NTM: variants seen among roughly 807,000 people sequenced by gnomAD.
The protein encoded by NTM is IgLON family member 2.
NTM carries 13 observed loss-of-function variants against 42.1 expected under a neutral mutation model. The observed-to-expected ratio is 0.31, with a 90% CI of 0.20 to 0.49. The LOEUF is 0.49. Among genes scored for constraint, NTM ranks in the 20% least tolerant of loss-of-function variants. The pLI is 0.99. For missense variants in NTM, 373 were observed against 452.8 expected (o/e 0.82, Z 1.60); for synonymous variants, 187 against 179.2 (o/e 1.04, Z -0.35).
intron 3 of NTM, among the ~76,000 whole-genome samples, chr11:132,199,018 A>G (rs1296220256): frequency 2.0e-5 from 3 of 152,244 alleles, no homozygotes; most frequent in Non-Finnish European, 4.4e-5. Context: ...CAAGATAAAC[A>G]TTATCAACCA....
chr11:132,120,047 C>T (rs1281401637), intron 2 of NTM, among the ~76,000 whole-genome samples: 12 of 152,154 alleles, frequency 7.9e-5, no homozygotes, highest in Admixed American at 4.6e-4. Flanking sequence ...CTATTGCACG[C>T]GAATCAGGAC....
At chr11:132,306,490 T>G (rs2095085718) in intron 4 of NTM, 1 of 152,202 alleles carries the variant, frequency 6.6e-6, no homozygotes, top group African/African-American at 2.4e-5. Flanking sequence ...ACGAGAGTTT[T>G]GGAGTGCTTT....
At position 132,318,333 on chromosome 11, in the gene NTM, A is replaced by ACAGT. The variant is rs1429634954; in HGVS notation, c.934+3633_934+3636dup. Among the ~76,000 whole-genome samples the ACAGT allele has an allele frequency of 2.0e-5, 3 of 152,250 alleles. 1 individual carries two copies. Among genetic ancestry groups the ACAGT allele is most frequent in the Admixed American group, 2.0e-4 (3 of 15,298 alleles). ...TTATCCACCGTACAGAGTTGTTCCA[A>ACAGT]CAGTCAATGGAGAATGCATGTTACA... On this transcript the variant is annotated intron_variant, in intron 7 of 8. Coordinates refer to ENST00000683400, the MANE Select transcript of NTM (RefSeq NM_001352005.2).
chr11:132,323,221 A>T (rs2095608153), intron 7 of NTM, among the ~76,000 whole-genome samples: 1 of 151,202 alleles, frequency 6.6e-6, no homozygotes, highest in African/African-American at 2.4e-5. Context: ...AAACCCTTCA[A>T]AAAATTGATG....
intron 1 of NTM, among the ~76,000 whole-genome samples, chr11:131,519,199 C>T (rs191447557): frequency 6.6e-6 from 1 of 152,350 alleles, no homozygotes; most frequent in East Asian, 1.9e-4. Flanking sequence ...TCTCTTCTCT[C>T]TTATTCCCTT....
At chr11:131,568,315 G>A (rs1038821153) in intron 1 of NTM, among the ~76,000 whole-genome samples, 29 of 152,146 alleles carry the variant, frequency 1.9e-4, no homozygotes, top group South Asian at 4.1e-4. Context: ...GTGAATATTA[G>A]ATCCATTCTA....
chr11:131,525,523 G>C (rs1391293580), intron 1 of NTM, among the ~76,000 whole-genome samples: 1 of 152,194 alleles, frequency 6.6e-6, no homozygotes, highest in East Asian at 1.9e-4. Flanking sequence ...GTCAAAGGTA[G>C]CCAGAAGGAG....
intron 1 of NTM, among the ~76,000 whole-genome samples, chr11:131,845,705 C>T (rs1475510498): frequency 6.6e-6 from 1 of 151,412 alleles, no homozygotes; most frequent in Non-Finnish European, 1.5e-5. Flanking sequence ...AAATACATTC[C>T]TGGATTTTTT....
chr11:132,269,639 G>A (rs930475191), intron 4 of NTM, among the ~76,000 whole-genome samples: 1 of 152,182 alleles, frequency 6.6e-6, no homozygotes, highest in Non-Finnish European at 1.5e-5. Context: ...TGGAATCAAG[G>A]TTTCTGACTT....
intron 1 of NTM, among the ~76,000 whole-genome samples, chr11:131,371,939 G>A (rs1047198425): frequency 6.6e-6 from 1 of 152,220 alleles, no homozygotes; most frequent in African/African-American, 2.4e-5. Flanking sequence ...GTCCTATGCA[G>A]TTGTATTCCC....
intron 1 of NTM, among the ~76,000 whole-genome samples, chr11:131,670,389 TTTTC>T (rs1308718086): frequency 2.0e-5 from 3 of 151,564 alleles, no homozygotes; most frequent in Admixed American, 1.3e-4. Context: ...CTTTCTTTCT[TTTTC>T]TTTCTTTCTT....
At chr11:131,986,414 A>G (rs530035921) in intron 2 of NTM, among the ~76,000 whole-genome samples, 14 of 152,352 alleles carry the variant, frequency 9.2e-5, no homozygotes, top group African/African-American at 3.1e-4. Context: ...GAAAAAGATT[A>G]CAGAAGGCCT....
intron 2 of NTM, among the ~76,000 whole-genome samples, chr11:132,062,398 TTTAATGG>T (rs1454962164): frequency 2.0e-5 from 3 of 152,196 alleles, no homozygotes; most frequent in African/African-American, 7.2e-5. Flanking sequence ...ACAGCACTTC[TTTAATGG>T]TCCAGTTCAG....
At chr11:131,686,260 T>C (rs1287774270) in intron 1 of NTM, among the ~76,000 whole-genome samples, 1 of 152,236 alleles carries the variant, frequency 6.6e-6, no homozygotes, top group African/African-American at 2.4e-5. Context: ...TGTATAACTT[T>C]TGACTTCTCA....
Position 131,821,025 on chromosome 11 carries a change from G to GTT in NTM, c.83-90527_83-90526dup, listed in dbSNP as rs34815584. ...AGTAACACCAAGATGCCTCCAAAGGGTTTTTTTTTTTTTCTAATTATGTAA... is the reference window on the plus strand; with the variant it reads ...AGTAACACCAAGATGCCTCCAAAGGGTTTTTTTTTTTTTTTCTAATTATGTAA... On this transcript the variant is annotated intron_variant, in intron 1 of 8. Coordinates refer to ENST00000683400, the MANE Select transcript of NTM (RefSeq NM_001352005.2). 8.3e-4 allele frequency among the ~76,000 whole-genome samples: 121 copies of GTT among 146,482 alleles called. 1 individual carries two copies. Among genetic ancestry groups the GTT allele is most frequent in the South Asian group, 4.6e-3 (21 of 4,614 alleles).
chr11:131,951,959 G>A (rs1221010141), intron 2 of NTM, among the ~76,000 whole-genome samples: 2 of 151,898 alleles, frequency 1.3e-5, no homozygotes. Flanking sequence ...TTTGTTAGTA[G>A]ATAGTATATG....
chr11:131,374,201 C>T (rs1231250376), intron 1 of NTM, among the ~76,000 whole-genome samples: 1 of 152,208 alleles, frequency 6.6e-6, no homozygotes, highest in Non-Finnish European at 1.5e-5. Flanking sequence ...GCCTGCCAGG[C>T]TTGGGGCTGC....
At chr11:131,695,321 C>T (rs2075315747) in intron 1 of NTM, among the ~76,000 whole-genome samples, 1 of 152,122 alleles carries the variant, frequency 6.6e-6, no homozygotes, top group Non-Finnish European at 1.5e-5. Context: ...CTAGCAGCTC[C>T]CCCTGAGATG....
chr11:132,313,094 T>A (rs2095326203), intron 6 of NTM, among the ~76,000 whole-genome samples: 1 of 152,122 alleles, frequency 6.6e-6, no homozygotes, highest in Non-Finnish European at 1.5e-5. Flanking sequence ...TACTGTAAGT[T>A]GCAGGAGTGG....
Sources: gnomAD v4.1 joint callset for allele counts (sites outside exome capture counted in the v4.1 genomes callset) on GRCh38, gnomAD v4.1.1 for gene constraint, MANE v1.5 for transcripts, NCBI Gene and HGNC (gene_info 2026-07-23, HGNC 2026-07-21) for gene names.